Variants in GAB4 observed in about 807,000 individuals in gnomAD.
GAB4 encodes GRB2 associated binding protein family member 4.
Under a neutral mutation model 51.3 loss-of-function variants are expected in GAB4, and 26 were observed. That is an observed-to-expected ratio of 0.51 (90% CI 0.37 to 0.70). The LOEUF is 0.70. Among genes scored for constraint, GAB4 ranks in the 30% least tolerant of loss-of-function variants. The probability of loss-of-function intolerance (pLI) is 0.00; values close to 1 mark genes in which losing one functional copy is unlikely to be tolerated. For missense variants in GAB4, 759 were observed against 734.6 expected (o/e 1.03, Z -0.38); for synonymous variants, 329 against 291.2 (o/e 1.13, Z -1.32).
At chr22:16,989,822 C>T (rs1439762337) in intron 2 of GAB4, among the ~76,000 whole-genome samples, 1 of 152,340 alleles carries the variant, frequency 6.6e-6, no homozygotes, top group Middle Eastern at 3.4e-3. Flanking sequence ...GCTCTAGACC[C>T]TCCTCAGCCT....
chr22:16,979,794 G>C (rs2060811926), intron 3 of GAB4, among the ~76,000 whole-genome samples: 1 of 151,828 alleles, frequency 6.6e-6, no homozygotes, highest in African/African-American at 2.4e-5. Flanking sequence ...CCAAAACATG[G>C]GACTGGTACC....
chr22:16,974,346 G>A (rs1290012853), intron 3 of GAB4, among the ~76,000 whole-genome samples: 1 of 152,206 alleles, frequency 6.6e-6, no homozygotes, highest in African/African-American at 2.4e-5. Flanking sequence ...CTTCCTAATA[G>A]GTCTGAGAAA....
chr22:17,001,101 C>T (rs527822651), intron 1 of GAB4, among the ~76,000 whole-genome samples: 2 of 152,324 alleles, frequency 1.3e-5, no homozygotes, highest in African/African-American at 4.8e-5. Context: ...TTTGGTGAAT[C>T]TGACAATTAT....
intron 3 of GAB4, among the ~76,000 whole-genome samples, chr22:16,974,868 G>A (rs1404086413): frequency 2.0e-5 from 3 of 152,174 alleles, no homozygotes; most frequent in East Asian, 1.9e-4. Flanking sequence ...AGGGTGAGCC[G>A]AAGCAGGGTG....
intron 3 of GAB4, among the ~76,000 whole-genome samples, 179 bp downstream of exon 3, chr22:16,987,781 A>G (rs2060879878): frequency 6.6e-6 from 1 of 152,240 alleles, no homozygotes; most frequent in Admixed American, 6.5e-5. Context: ...CAACACAAAT[A>G]AAACAAATAA....
At chr22:16,998,403 A>G (rs1306641037) in intron 1 of GAB4, among the ~76,000 whole-genome samples, 1 of 152,116 alleles carries the variant, frequency 6.6e-6, no homozygotes, top group African/African-American at 2.4e-5. Flanking sequence ...TTCTCTTTGA[A>G]GCAATTGTGA....
At chr22:16,979,738 G>A (rs1325386592) in intron 3 of GAB4, among the ~76,000 whole-genome samples, 1 of 152,146 alleles carries the variant, frequency 6.6e-6, no homozygotes, top group Non-Finnish European at 1.5e-5. Context: ...CAAACATGGA[G>A]GCATCATGCT....
In GAB4 at chr22:17,008,134, G is replaced by C. The variant is rs1340302429; in HGVS notation, c.-20C>G. On this transcript the variant is annotated 5_prime_UTR_variant, in exon 1 of 10. Transcript: ENST00000400588. ...GGACATGGGGGCTGCAGCTCACAGT[G>C]AAGGTGGGGGAGACAGGGCGAGAGG... The C allele has an allele frequency of 6.4e-7, 1 of 1,566,082 alleles. No homozygotes were observed. The highest frequency in any genetic ancestry group is 2.3e-5 in the East Asian group (1 of 43,880).
chr22:16,965,159 T>A lies in GAB4; in HGVS notation c.1379+19A>T. Reference sequence around the variant, plus strand: ...ACCGGCCCGGTCCCAAGCTCCTGTTTCCACTGACAGACACTCACCTGGTCC... The same window carrying A: ...ACCGGCCCGGTCCCAAGCTCCTGTTACCACTGACAGACACTCACCTGGTCC... On this transcript the variant is annotated intron_variant, in intron 7 of 9. Transcript: ENST00000400588. The A allele has an allele frequency of 6.3e-7, 1 of 1,594,554 alleles. No homozygotes were observed. The highest frequency in any genetic ancestry group is 8.6e-7 in the Non-Finnish European group (1 of 1,166,690).
At chr22:16,964,430 G>A (rs531435353) in intron 8 of GAB4, among the ~76,000 whole-genome samples, 12 of 152,304 alleles carry the variant, frequency 7.9e-5, no homozygotes, top group Admixed American at 2.6e-4. Flanking sequence ...CCTCACCAGG[G>A]TGAAGCATGT....
At chr22:16,969,822 G>T in intron 4 of GAB4, 121 bp downstream of exon 4, 1 of 1,231,600 alleles carries the variant, frequency 8.1e-7, no homozygotes, top group Non-Finnish European at 1.2e-6. Flanking sequence ...CTTGTCTAAC[G>T]TGACTGTCCT....
At chr22:16,972,607 T>C (rs1431236388) in intron 3 of GAB4, among the ~76,000 whole-genome samples, 1 of 152,104 alleles carries the variant, frequency 6.6e-6, no homozygotes, top group African/African-American at 2.4e-5. Context: ...ATCATCTTCC[T>C]CCTGAAATCT....
chr22:16,993,713 T>C (rs1290792203), intron 1 of GAB4, among the ~76,000 whole-genome samples: 1 of 152,212 alleles, frequency 6.6e-6, no homozygotes, highest in African/African-American at 2.4e-5. Flanking sequence ...TGTGGCCCAA[T>C]GTCCTACCAT....
intron 4 of GAB4, 110 bp downstream of exon 4, chr22:16,969,814 TGTCTAACGTGACTGTCCTA>T: frequency 8.6e-7 from 1 of 1,161,474 alleles, no homozygotes; most frequent in Non-Finnish European, 1.3e-6. Context: ...TAGAGGTTCT[TGTCTAACGTGACTGTCCTA>T]GGAATCTGGT....
chr22:16,985,523 G>A (rs1200464952), intron 3 of GAB4, among the ~76,000 whole-genome samples: 1 of 152,212 alleles, frequency 6.6e-6, no homozygotes, highest in African/African-American at 2.4e-5. Flanking sequence ...CTGTTCAGTA[G>A]GTTTAGTATG....
At chr22:16,976,157 T>C (rs1463180654) in intron 3 of GAB4, among the ~76,000 whole-genome samples, 1 of 152,214 alleles carries the variant, frequency 6.6e-6, no homozygotes, top group Non-Finnish European at 1.5e-5. Context: ...GGAACAAAAC[T>C]GCACAGAGAA....
intron 4 of GAB4, among the ~76,000 whole-genome samples, chr22:16,969,090 G>A (rs570673481): frequency 2.0e-5 from 3 of 152,334 alleles, no homozygotes; most frequent in South Asian, 4.1e-4. Flanking sequence ...AGGAGAGGAG[G>A]TTATATGCAG....
chr22:16,988,086 G>T lies in GAB4; in HGVS notation c.560C>A (p.Pro187His). ...CTCAGATGTGGGTTCTTGTTCTTGG[G>T]GGAGGTGCTGATGGGAGCAGCTGGG... ...AEPSCSHQHL[P>H]QEQEPTSEPP... The change falls in exon 3 of 10, where the codon CCC (proline) becomes CAC (histidine). Residue 187 changes from proline (P) to histidine (H), a missense_variant. By Grantham distance (77) the Pro-to-His change is moderately conservative. Transcript: ENST00000400588. The T allele has an allele frequency of 6.2e-7, 1 of 1,609,240 alleles. No individual in the cohort carries two copies.
chr22:16,973,008 T>G (rs1198853801), intron 3 of GAB4, among the ~76,000 whole-genome samples: 1 of 152,180 alleles, frequency 6.6e-6, no homozygotes. Context: ...CAGTGACACT[T>G]CTGGGCTTTG....
Sources: allele counts gnomAD v4.1 joint callset (sites outside exome capture counted in the v4.1 genomes callset), GRCh38; gene constraint gnomAD v4.1.1; transcripts MANE v1.5; gene names NCBI Gene and HGNC (gene_info 2026-07-23, HGNC 2026-07-21).